Variants in CNTN5 observed in about 807,000 individuals in gnomAD.
The protein encoded by CNTN5 is contactin-5.
A neutral mutation model predicts 129.1 loss-of-function variants in CNTN5; 77 were observed. That is an observed-to-expected ratio of 0.60 (90% CI 0.50 to 0.72). The LOEUF is 0.72. Among genes scored for constraint, CNTN5 ranks in the 30% least tolerant of loss-of-function variants. The pLI, the probability that CNTN5 is intolerant of heterozygous loss-of-function variation, is 0.00. For synonymous variants in CNTN5, 509 were observed against 465.6 expected (o/e 1.09, Z -1.20); for missense variants, 1,478 against 1,328.8 (o/e 1.11, Z -1.75).
At chr11:100,013,921 T>C (rs1485842642) in intron 9 of CNTN5, among the ~76,000 whole-genome samples, 1 of 152,184 alleles carries the variant, frequency 6.6e-6, no homozygotes, top group African/African-American at 2.4e-5. Flanking sequence ...GTAGTATGTG[T>C]CTTACTGAAT....
At chr11:99,216,098 G>A (rs890323864) in intron 1 of CNTN5, among the ~76,000 whole-genome samples, 2 of 152,056 alleles carry the variant, frequency 1.3e-5, no homozygotes, top group African/African-American at 4.8e-5. Flanking sequence ...TGATGCTATT[G>A]AGTTGTAGAT....
chr11:99,798,615 A>G (rs1946021612), intron 3 of CNTN5, among the ~76,000 whole-genome samples: 1 of 151,926 alleles, frequency 6.6e-6, no homozygotes, highest in Non-Finnish European at 1.5e-5. Context: ...ATTCTGTTCC[A>G]TTGATTTGTG....
At chr11:99,580,351 A>T (rs1339448432) in intron 3 of CNTN5, among the ~76,000 whole-genome samples, 1 of 152,152 alleles carries the variant, frequency 6.6e-6, no homozygotes, top group Non-Finnish European at 1.5e-5. Flanking sequence ...TCATAAAATG[A>T]GTTAGGGAGG....
chr11:99,191,831 T>A (rs1042249596), intron 1 of CNTN5, among the ~76,000 whole-genome samples: 16 of 151,528 alleles, frequency 1.1e-4, no homozygotes, highest in African/African-American at 3.9e-4. Flanking sequence ...AAGAGAGAAG[T>A]TTATAGCAAT....
At chr11:99,994,242 A>G (rs1384331018) in intron 8 of CNTN5, among the ~76,000 whole-genome samples, 1 of 152,168 alleles carries the variant, frequency 6.6e-6, no homozygotes, top group African/African-American at 2.4e-5. Flanking sequence ...GATCTGACTC[A>G]TATCAGTCAA....
chr11:99,675,834 G>A (rs1244870544), intron 3 of CNTN5, among the ~76,000 whole-genome samples: 1 of 152,156 alleles, frequency 6.6e-6, no homozygotes, highest in African/African-American at 2.4e-5. Context: ...TCAACAAGTA[G>A]TTGTGTTACC....
At chr11:99,349,893 A>G (rs1938168516) in intron 2 of CNTN5, among the ~76,000 whole-genome samples, 1 of 152,172 alleles carries the variant, frequency 6.6e-6, no homozygotes, top group South Asian at 2.1e-4. Flanking sequence ...TAGAAAGAAG[A>G]TATTCTAATG....
chr11:99,573,285 T>C (rs1453274316), intron 3 of CNTN5, among the ~76,000 whole-genome samples: 1 of 152,002 alleles, frequency 6.6e-6, no homozygotes, highest in African/African-American at 2.4e-5. Context: ...TTTAAATAGT[T>C]CCTGGCCGGG....
intron 7 of CNTN5, among the ~76,000 whole-genome samples, chr11:99,920,236 A>G (rs1446996093): frequency 6.6e-6 from 1 of 151,158 alleles, no homozygotes; most frequent in Non-Finnish European, 1.5e-5. Context: ...ATATTCCTCC[A>G]CTCTTTCTTC....
intron 2 of CNTN5, among the ~76,000 whole-genome samples, chr11:99,396,586 A>G (rs1342948316): frequency 6.6e-6 from 1 of 151,676 alleles, no homozygotes; most frequent in Non-Finnish European, 1.5e-5. Flanking sequence ...CTACTATCAT[A>G]AGAGACTGAT....
At chr11:99,905,243 G>A (rs552503978) in intron 6 of CNTN5, among the ~76,000 whole-genome samples, 4 of 152,244 alleles carry the variant, frequency 2.6e-5, no homozygotes, top group African/African-American at 9.6e-5. Context: ...GTATTGCCTA[G>A]GTTTTCTTCA....
chr11:99,738,776 C>T (rs958885621), intron 3 of CNTN5, among the ~76,000 whole-genome samples: 1 of 152,008 alleles, frequency 6.6e-6, no homozygotes, highest in African/African-American at 2.4e-5. Context: ...AACTCGTACT[C>T]TATCCCATAG....
At chr11:99,496,046 G>T (rs908074220) in intron 2 of CNTN5, among the ~76,000 whole-genome samples, 1 of 152,112 alleles carries the variant, frequency 6.6e-6, no homozygotes, top group Non-Finnish European at 1.5e-5. Flanking sequence ...AATGTCTATG[G>T]TATATCCAAG....
intron 2 of CNTN5, among the ~76,000 whole-genome samples, chr11:99,403,091 C>T (rs1941900850): frequency 6.6e-6 from 1 of 151,118 alleles, no homozygotes; most frequent in Non-Finnish European, 1.5e-5. Flanking sequence ...ACTGCAAGCT[C>T]CACCTCCCGG....
intron 6 of CNTN5, among the ~76,000 whole-genome samples, chr11:99,862,763 C>T (rs2135775711): frequency 2.0e-5 from 3 of 152,204 alleles, no homozygotes; most frequent in Admixed American, 2.0e-4. Flanking sequence ...AAAAGCAGCT[C>T]ATTGGATATT....
chr11:99,613,988 AT>A (rs1322375058), intron 3 of CNTN5, among the ~76,000 whole-genome samples: 6 of 152,236 alleles, frequency 3.9e-5, no homozygotes, highest in Admixed American at 3.9e-4. Flanking sequence ...TAACTATAGA[AT>A]AATTATAAAA....
Position 99,956,890 on chromosome 11 carries a change from A to G in CNTN5, c.758A>G (p.Asn253Ser). Residue 253 changes from asparagine (N) to serine (S), a missense_variant, in exon 8 of 25, where the codon AAC becomes AGC. Asn to Ser is a conservative substitution (Grantham distance 46, BLOSUM62 1). Transcript: ENST00000524871. ...CGGTTCATCTCCCAGGAGACAGGCA[A>G]CCTTTATATTTCTAAAGTCCAAACA... ...SRRFISQETGNLYISKVQTSD... is the reference protein window; with the variant it reads ...SRRFISQETGSLYISKVQTSD... 6.2e-7 allele frequency: 1 copy of G among 1,613,874 alleles called. No homozygotes were observed.
At chr11:100,008,013 AG>A (rs1440250927) in intron 9 of CNTN5, among the ~76,000 whole-genome samples, 1 of 152,022 alleles carries the variant, frequency 6.6e-6, no homozygotes, top group African/African-American at 2.4e-5. Flanking sequence ...TCCTGAAGAG[AG>A]GGAGAGAGAT....
At chr11:100,028,812 T>G (rs930232545) in intron 9 of CNTN5, among the ~76,000 whole-genome samples, 2 of 152,184 alleles carry the variant, frequency 1.3e-5, no homozygotes, top group Admixed American at 1.3e-4. Flanking sequence ...TGGGAATAAT[T>G]TGTTAGTTCT....
Sources: allele counts gnomAD v4.1 joint callset (sites outside exome capture counted in the v4.1 genomes callset), GRCh38; gene constraint gnomAD v4.1.1; transcripts MANE v1.5; gene names NCBI Gene and HGNC (gene_info 2026-07-23, HGNC 2026-07-21).